Variants in DAPK1 observed in about 807,000 individuals in gnomAD.
The protein encoded by DAPK1 is death associated protein kinase 1.
Under a neutral mutation model 144.9 loss-of-function variants are expected in DAPK1, and 56 were observed. The observed-to-expected ratio is 0.39, with a 90% CI of 0.31 to 0.48. The LOEUF is 0.48. Ranked by LOEUF, DAPK1 falls within the 20% of genes least tolerant of loss-of-function variation. DAPK1 has a pLI of 0.95. For synonymous variants in DAPK1, 690 were observed against 749.0 expected (o/e 0.92, Z 1.29); for missense variants, 1,454 against 1,875.4 (o/e 0.78, Z 4.15).
At chr9:87,628,183 T>C (rs1480292866) in intron 3 of DAPK1, among the ~76,000 whole-genome samples, 1 of 152,224 alleles carries the variant, frequency 6.6e-6, no homozygotes, top group Non-Finnish European at 1.5e-5. Flanking sequence ...CACGCATGCA[T>C]GCTGTTCTAT....
intron 2 of DAPK1, among the ~76,000 whole-genome samples, chr9:87,603,633 A>C (rs1828605556): frequency 6.6e-6 from 1 of 152,226 alleles, no homozygotes; most frequent in Non-Finnish European, 1.5e-5. Flanking sequence ...GGATAAAGCC[A>C]GCTAAAAATA....
At chr9:87,648,020 A>G (rs1464299703) in intron 14 of DAPK1, among the ~76,000 whole-genome samples, 1 of 152,202 alleles carries the variant, frequency 6.6e-6, no homozygotes, top group African/African-American at 2.4e-5. Context: ...CTACTGTACA[A>G]TACTTCTCTG....
intron 18 of DAPK1, among the ~76,000 whole-genome samples, chr9:87,660,263 T>A (rs1830795265): frequency 6.6e-6 from 1 of 151,806 alleles, no homozygotes; most frequent in Admixed American, 6.6e-5. Flanking sequence ...TCCTCTCCCG[T>A]GGGCAGCCAG....
At chr9:87,605,509 TC>T (rs1828684597) in intron 3 of DAPK1, among the ~76,000 whole-genome samples, 1 of 151,340 alleles carries the variant, frequency 6.6e-6, no homozygotes, top group Admixed American at 6.6e-5. Flanking sequence ...TATGTCCTTC[TC>T]CCCTCTCACT....
At chr9:87,515,638 A>C (rs1211865001) in intron 2 of DAPK1, among the ~76,000 whole-genome samples, 2 of 152,208 alleles carry the variant, frequency 1.3e-5, no homozygotes, top group Non-Finnish European at 2.9e-5. Flanking sequence ...TGGACACTGC[A>C]GTGTTTGCAC....
chr9:87,498,375 G>A (rs1473118310), intron 1 of DAPK1, among the ~76,000 whole-genome samples: 2 of 152,174 alleles, frequency 1.3e-5, no homozygotes, highest in African/African-American at 4.8e-5. Context: ...GCGCCTCGGT[G>A]GGCCGCTCCC....
chr9:87,603,053 A>G (rs1399272113), intron 2 of DAPK1, among the ~76,000 whole-genome samples: 5 of 152,036 alleles, frequency 3.3e-5, no homozygotes, highest in Non-Finnish European at 7.3e-5. Context: ...TGAGGTATGA[A>G]TGGGCCCAGC....
At chr9:87,502,733 T>C (rs1329909039) in intron 2 of DAPK1, among the ~76,000 whole-genome samples, 2 of 152,230 alleles carry the variant, frequency 1.3e-5, no homozygotes, top group African/African-American at 2.4e-5. Context: ...GAGACTCTCT[T>C]TGTCCATGAC....
intron 2 of DAPK1, among the ~76,000 whole-genome samples, chr9:87,509,128 T>C (rs1050511742): frequency 1.3e-5 from 2 of 152,202 alleles, no homozygotes; most frequent in African/African-American, 2.4e-5. Flanking sequence ...AATTACAAGC[T>C]GTTTGGCTTT....
At chr9:87,528,200 C>T (rs1198631159) in intron 2 of DAPK1, among the ~76,000 whole-genome samples, 4 of 146,314 alleles carry the variant, frequency 2.7e-5, no homozygotes, top group African/African-American at 5.1e-5. Flanking sequence ...TGTTACAGTG[C>T]GTTTTCTTTT....
intron 11 of DAPK1, among the ~76,000 whole-genome samples, chr9:87,645,562 G>T (rs1830237740): frequency 6.6e-6 from 1 of 152,094 alleles, no homozygotes; most frequent in Non-Finnish European, 1.5e-5. Flanking sequence ...TTTCACAGTG[G>T]TTTTAGGAAC....
chr9:87,629,752 T>C (rs1829605719), intron 3 of DAPK1, among the ~76,000 whole-genome samples: 1 of 152,170 alleles, frequency 6.6e-6, no homozygotes, highest in Non-Finnish European at 1.5e-5. Context: ...AGTTTGACAT[T>C]ATATTTTCCA....
At chr9:87,571,527 A>C (rs10868637) in intron 2 of DAPK1, among the ~76,000 whole-genome samples, 3,278 of 140,894 alleles carry the variant, frequency 0.023, 241 homozygotes, top group African/African-American at 0.085. Flanking sequence ...ACACACACAC[A>C]CCAGAAGCGA....
intron 23 of DAPK1, among the ~76,000 whole-genome samples, chr9:87,699,276 C>T (rs567716237): frequency 2.0e-5 from 3 of 152,278 alleles, no homozygotes; most frequent in African/African-American, 7.2e-5. Flanking sequence ...CAACACTGCC[C>T]GGAGGTGACT....
chr9:87,609,943 T>A (rs1194058481), intron 3 of DAPK1, among the ~76,000 whole-genome samples: 1 of 152,202 alleles, frequency 6.6e-6, no homozygotes, highest in East Asian at 1.9e-4. Flanking sequence ...TCCTCCAGAC[T>A]CCATGCCCAT....
intron 17 of DAPK1, among the ~76,000 whole-genome samples, chr9:87,652,215 C>A (rs1339345168): frequency 7.5e-6 from 1 of 133,640 alleles, no homozygotes; most frequent in Non-Finnish European, 1.6e-5. Context: ...GATCCCGGGT[C>A]CTGATTCTGT....
At chr9:87,525,580 G>A (rs879261919) in intron 2 of DAPK1, 2 of 828,394 alleles carry the variant, frequency 2.4e-6, no homozygotes, top group African/African-American at 1.7e-5. Flanking sequence ...CAAAAAATGC[G>A]TTGAATAAAC....
At chr9:87,650,437 T>C (rs1002985747) in intron 16 of DAPK1, 2 of 286,852 alleles carry the variant, frequency 7.0e-6, no homozygotes, top group Non-Finnish European at 1.3e-5. Flanking sequence ...AGGACTGACA[T>C]TGGCAACACG....
At chr9:87,660,251 C>CT (rs1317426273) in intron 18 of DAPK1, among the ~76,000 whole-genome samples, 1 of 151,978 alleles carries the variant, frequency 6.6e-6, no homozygotes, top group Non-Finnish European at 1.5e-5. Flanking sequence ...GGAACCGGGG[C>CT]TTCCTCTCCC....
Sources: allele counts gnomAD v4.1 joint callset (sites outside exome capture counted in the v4.1 genomes callset), GRCh38; gene constraint gnomAD v4.1.1; transcripts MANE v1.5; gene names NCBI Gene and HGNC (gene_info 2026-07-23, HGNC 2026-07-21).